Variants in DHDH observed in about 807,000 individuals in gnomAD.
The protein encoded by DHDH is dihydrodiol dehydrogenase.
In DHDH, 29 loss-of-function variants were observed where a neutral mutation model predicts 33.2. The observed-to-expected ratio is 0.87, with a 90% CI of 0.65 to 1.19. The LOEUF is 1.19. DHDH is among the 50% of genes most tolerant of loss of function. DHDH has a pLI of 0.00. For synonymous variants in DHDH, 201 were observed against 187.9 expected (o/e 1.07, Z -0.57); for missense variants, 431 against 455.0 (o/e 0.95, Z 0.48).
intron 4 of DHDH, among the ~76,000 whole-genome samples, chr19:48,942,102 C>T (rs902786300): frequency 6.6e-5 from 10 of 151,810 alleles, no homozygotes; most frequent in African/African-American, 1.2e-4. Context: ...CCGCCTCCCA[C>T]GTTCACGCCA....
At chr19:48,942,603 C>G (rs2037881265) in intron 5 of DHDH, 39 bp downstream of exon 5, 1 of 1,593,722 alleles carries the variant, frequency 6.3e-7, no homozygotes, top group Non-Finnish European at 8.6e-7. Context: ...GATCGTGCCC[C>G]TAAAATAGGA....
intron 2 of DHDH, 63 bp downstream of exon 2, chr19:48,935,174 C>G: frequency 7.4e-7 from 1 of 1,345,950 alleles, no homozygotes; most frequent in South Asian, 1.4e-5. Flanking sequence ...CCTGGCTGCC[C>G]CCTGGGAGAT....
intron 3 of DHDH, among the ~76,000 whole-genome samples, chr19:48,939,177 T>C (rs977172830): frequency 6.6e-6 from 1 of 151,558 alleles, no homozygotes; most frequent in African/African-American, 2.4e-5. Context: ...CGGTGGCTCA[T>C]GCCTGTAATC....
In DHDH at chr19:48,936,114, C is replaced by A. The variant is rs762868110; in HGVS notation, c.285C>A (p.Cys95Ter). 36 of 1,611,404 alleles carry A rather than the reference C, an allele frequency of 2.2e-5. No homozygotes were observed. The highest frequency in any genetic ancestry group is 2.9e-5 in the Non-Finnish European group (34 of 1,179,464). Residue 95 changes from cysteine (C) to a stop codon, truncating the protein, a stop_gained, in exon 3 of 7, where the codon TGC becomes TGA. Coordinates refer to ENST00000221403, the MANE Select transcript of DHDH (RefSeq NM_014475.4). LOFTEE classifies it high-confidence loss of function. ...TGGCGGCGGGCAAGGCCGTTCTGTG[C>A]GAGAAGCCCACGGGCGTGAACGCGG... The part of the protein sequence containing the change: ...LCLAAGKAVL[C>*]EKPTGVNAAE...
At chr19:48,935,918 G>C in intron 2 of DHDH, 114 bp from the exon 3 acceptor site, 1 of 1,316,230 alleles carries the variant, frequency 7.6e-7, no homozygotes, top group Non-Finnish European at 1.0e-6. Context: ...GGGAGACAGG[G>C]GTGTGACCGA....
intron 4 of DHDH, among the ~76,000 whole-genome samples, chr19:48,940,424 T>A (rs1002675524): frequency 1.3e-5 from 2 of 150,694 alleles, no homozygotes; most frequent in African/African-American, 4.9e-5. Context: ...CTGGAAAGTA[T>A]CCAAGAGTGC....
rs761445614 is a variant in DHDH, at chr19:48,944,383, C to T, written c.771C>T (p.Thr257=). The change falls in exon 6 of 7, where the codon ACC becomes ACT. Residue 257 remains threonine (T), a synonymous_variant. Coordinates refer to ENST00000221403, the MANE Select transcript of DHDH (RefSeq NM_014475.4). ...VQLLNPCWCP[T]ELVVKGEHKE... is the part of the protein sequence containing the mutation. ...TCCTCAACCCCTGCTGGTGCCCGAC[C>T]GAGCTGGTGGTGAAGGGGGAGCATA... is the stretch of plus-strand genomic sequence containing the variant. The T allele has an allele frequency of 9.9e-6, 16 of 1,613,994 alleles. 1 individual carries two copies. The African/African-American group carries it at 1.2e-4, about 12-fold the overall frequency.
At chr19:48,932,829 A>G (rs10420246), upstream of DHDH, among the ~76,000 whole-genome samples, 238 of 152,248 alleles carry the variant, frequency 1.6e-3, 2 homozygotes, top group African/African-American at 5.5e-3. Context: ...ATAATAATAC[A>G]GTATATTTTA....
At chr19:48,938,828 T>A (rs550145018) in intron 3 of DHDH, among the ~76,000 whole-genome samples, 1 of 152,254 alleles carries the variant, frequency 6.6e-6, no homozygotes, top group East Asian at 1.9e-4. Context: ...TTTGTATTTT[T>A]AATAGAGACG....
intron 2 of DHDH, 35 bp downstream of exon 2, chr19:48,935,146 G>A (rs1272397782): frequency 6.7e-7 from 1 of 1,489,356 alleles, no homozygotes; most frequent in Admixed American, 2.2e-5. Flanking sequence ...GCTGGCCGCC[G>A]CCCCTGGAGC....
At chr19:48,943,970 G>A (rs188896943) in intron 5 of DHDH, among the ~76,000 whole-genome samples, 13 of 150,894 alleles carry the variant, frequency 8.6e-5, no homozygotes, top group African/African-American at 3.1e-4. Context: ...ACTCCAGCCT[G>A]GGCGACAGAG....
At chr19:48,940,333 C>T (rs984851161) in intron 4 of DHDH, among the ~76,000 whole-genome samples, 9 of 150,214 alleles carry the variant, frequency 6.0e-5, no homozygotes, top group East Asian at 2.0e-4. Flanking sequence ...CTAGCCTGGG[C>T]GACAGAGTGA....
chr19:48,936,942 C>T (rs973818797), intron 3 of DHDH, among the ~76,000 whole-genome samples: 1 of 151,606 alleles, frequency 6.6e-6, no homozygotes, highest in African/African-American at 2.4e-5. Context: ...CGCCACCATG[C>T]CCAGCTAATT....
intron 3 of DHDH, among the ~76,000 whole-genome samples, chr19:48,937,947 C>T (rs1386497253): frequency 6.6e-6 from 1 of 152,020 alleles, no homozygotes; most frequent in Non-Finnish European, 1.5e-5. Context: ...CCTGGAATGT[C>T]ACCTCCTCAG....
chr19:48,935,205 C>G (rs1005776380), intron 2 of DHDH, 94 bp downstream of exon 2: 1 of 978,530 alleles, frequency 1.0e-6, no homozygotes, highest in African/African-American at 1.7e-5. Context: ...TCAGGATGGT[C>G]CAATCCCTTT....
chr19:48,933,850 G>A, intron 1 of DHDH, 39 bp downstream of exon 1: 1 of 1,587,696 alleles, frequency 6.3e-7, no homozygotes, highest in Non-Finnish European at 8.6e-7. Flanking sequence ...GAGGAGGCGG[G>A]GGGCGGGACT....
At chr19:48,933,381 A>C (rs991223656), upstream of DHDH, among the ~76,000 whole-genome samples, 1 of 152,210 alleles carries the variant, frequency 6.6e-6, no homozygotes, top group Non-Finnish European at 1.5e-5. Flanking sequence ...AGAGGGCAAG[A>C]CATTAAATCT....
chr19:48,944,631 GCA>G, intron 6 of DHDH, 124 bp downstream of exon 6: 2 of 1,391,964 alleles, frequency 1.4e-6, no homozygotes, highest in Non-Finnish European at 2.0e-6. Flanking sequence ...AGCCGAGATT[GCA>G]CCACTGCACT....
chr19:48,933,144 C>G (rs188584195), upstream of DHDH, among the ~76,000 whole-genome samples: 672 of 152,250 alleles, frequency 4.4e-3, 6 homozygotes, highest in Middle Eastern at 0.014. Context: ...TCTGTTTCCC[C>G]CTTTGTGAAC....
Sources: allele counts gnomAD v4.1 joint callset (sites outside exome capture counted in the v4.1 genomes callset), GRCh38; gene constraint gnomAD v4.1.1; transcripts MANE v1.5; gene names NCBI Gene and HGNC (gene_info 2026-07-23, HGNC 2026-07-21).